Variants in KSR2 observed in about 807,000 individuals in gnomAD.
KSR2 encodes the protein kinase suppressor of ras 2.
Under a neutral mutation model 107.8 loss-of-function variants are expected in KSR2, and 25 were observed. That is an observed-to-expected ratio of 0.23 (90% CI 0.17 to 0.32). The LOEUF (loss-of-function observed/expected upper bound fraction) is 0.32. Ranked by LOEUF, KSR2 falls within the 10% of genes least tolerant of loss-of-function variation. The probability of loss-of-function intolerance (pLI) is 1.00; values close to 1 mark genes in which losing one functional copy is unlikely to be tolerated. For missense variants in KSR2, 887 were observed against 1,268.9 expected, an observed-to-expected ratio of 0.70 and a Z score of 4.57; for synonymous variants, 480 against 507.0, an observed-to-expected ratio of 0.95 and a Z score of 0.71.
At chr12:117,942,355 C>T (rs775642431) in intron 1 of KSR2, among the ~76,000 whole-genome samples, 3 of 152,134 alleles carry the variant, frequency 2.0e-5, no homozygotes, top group Non-Finnish European at 4.4e-5. Flanking sequence ...ATTTTTGACC[C>T]ACTAACCAAC....
chr12:117,960,669 A>G (rs997171080), intron 1 of KSR2, among the ~76,000 whole-genome samples: 3 of 152,132 alleles, frequency 2.0e-5, no homozygotes, highest in African/African-American at 7.2e-5. Flanking sequence ...CAGGCATCTG[A>G]GCAAATGATG....
intron 5 of KSR2, among the ~76,000 whole-genome samples, chr12:117,664,523 CAAG>C (rs1184385392): frequency 3.3e-5 from 5 of 152,140 alleles, no homozygotes; most frequent in Non-Finnish European, 7.4e-5. Context: ...CTATTACAAA[CAAG>C]GAGGAGTCGG....
intron 14 of KSR2, chr12:117,517,788 AC>A (rs1874471612): frequency 2.2e-6 from 1 of 454,138 alleles, no homozygotes; most frequent in East Asian, 7.0e-5. Flanking sequence ...GATGATGGGG[AC>A]GGAATCTTCA....
chr12:117,798,718 A>ACATAT (rs545976554), intron 3 of KSR2, among the ~76,000 whole-genome samples: 1 of 108,612 alleles, frequency 9.2e-6, no homozygotes, highest in Non-Finnish European at 1.8e-5. Context: ...CCAAAAAAAA[A>ACATAT]AAATATATAT....
At chr12:117,867,464 C>G (rs949886048) in intron 1 of KSR2, among the ~76,000 whole-genome samples, 1 of 152,124 alleles carries the variant, frequency 6.6e-6, no homozygotes, top group African/African-American at 2.4e-5. Context: ...GTGTCCATAC[C>G]CTTTGCAATG....
chr12:117,469,970 AC>A (rs1871341469), intron 18 of KSR2, among the ~76,000 whole-genome samples, 175 bp from the exon 19 acceptor site: 1 of 138,516 alleles, frequency 7.2e-6, no homozygotes, highest in East Asian at 2.2e-4. Context: ...CTACACATCT[AC>A]CCATCCAATC....
chr12:117,675,147 C>T (rs570533511), intron 4 of KSR2, among the ~76,000 whole-genome samples: 1 of 152,362 alleles, frequency 6.6e-6, no homozygotes, highest in Admixed American at 6.5e-5. Context: ...TGCATCCCAG[C>T]TGGAATTCTG....
chr12:117,475,212 A>T (rs1871701060), intron 17 of KSR2, among the ~76,000 whole-genome samples: 1 of 152,120 alleles, frequency 6.6e-6, no homozygotes. Flanking sequence ...CTTCCCCCAG[A>T]GTTTAATAAC....
chr12:117,535,481 G>A (rs537306473), intron 10 of KSR2, among the ~76,000 whole-genome samples: 35 of 152,238 alleles, frequency 2.3e-4, no homozygotes, highest in African/African-American at 8.2e-4. Context: ...GGAAAGGGAG[G>A]AAACACTCTC....
At chr12:117,520,159 T>C (rs1874655644) in intron 14 of KSR2, among the ~76,000 whole-genome samples, 1 of 152,206 alleles carries the variant, frequency 6.6e-6, no homozygotes, top group South Asian at 2.1e-4. Flanking sequence ...TATTTAGATA[T>C]ACATTTGCTT....
chr12:117,763,301 T>G (rs941474514), intron 3 of KSR2, among the ~76,000 whole-genome samples: 1 of 148,700 alleles, frequency 6.7e-6, no homozygotes, highest in African/African-American at 2.5e-5. Flanking sequence ...TGTTGGACAT[T>G]TGGGTTGGTT....
chr12:117,812,482 C>G (rs1345251021), intron 3 of KSR2, among the ~76,000 whole-genome samples: 2 of 152,020 alleles, frequency 1.3e-5, no homozygotes, highest in Non-Finnish European at 2.9e-5. Flanking sequence ...ACAGGAGAGC[C>G]AAGTCCAATT....
intron 3 of KSR2, among the ~76,000 whole-genome samples, chr12:117,777,113 C>T (rs1200211198): frequency 6.0e-5 from 7 of 116,802 alleles, no homozygotes; most frequent in African/African-American, 2.2e-4. Context: ...TATATACACA[C>T]ACACACCATA....
At chr12:117,693,743 T>C (rs1021421561) in intron 4 of KSR2, among the ~76,000 whole-genome samples, 4 of 152,244 alleles carry the variant, frequency 2.6e-5, no homozygotes, top group Non-Finnish European at 5.9e-5. Context: ...CACAATCTCA[T>C]GGAGCGCTCC....
chr12:117,921,985 T>C (rs1429672901), intron 1 of KSR2, among the ~76,000 whole-genome samples: 2 of 152,202 alleles, frequency 1.3e-5, no homozygotes, highest in African/African-American at 2.4e-5. Flanking sequence ...ATGGAGGCTG[T>C]ATACTTTTAT....
chr12:117,849,756 G>A (rs1361998767), intron 3 of KSR2, among the ~76,000 whole-genome samples: 2 of 152,214 alleles, frequency 1.3e-5, no homozygotes, highest in East Asian at 1.9e-4. Flanking sequence ...GGGACAGAGA[G>A]AGAGAAAGAG....
At position 117,901,804 on chromosome 12, in the gene KSR2, C is replaced by T. The variant is rs370775895; in HGVS notation, c.181-41373G>A. On this transcript the variant is annotated intron_variant, in intron 1 of 19. Coordinates refer to ENST00000339824, the MANE Select transcript of KSR2 (RefSeq NM_173598.6). ...TCACATATGCCGCTGGGTGGGTTTACGAGGGTTCAGCGTGGCGTACAAACA... is the reference window on the plus strand; with the variant it reads ...TCACATATGCCGCTGGGTGGGTTTATGAGGGTTCAGCGTGGCGTACAAACA... Among the ~76,000 whole-genome samples the T allele has an allele frequency of 1.3e-4, 20 of 152,022 alleles. No homozygotes were observed. The East Asian group carries it at 1.7e-3, about 13-fold the overall frequency.
intron 4 of KSR2, among the ~76,000 whole-genome samples, chr12:117,739,225 G>A (rs570650170): frequency 6.6e-6 from 1 of 151,734 alleles, no homozygotes; most frequent in African/African-American, 2.4e-5. Flanking sequence ...CGTGGTAGCG[G>A]GCGCCTGTAG....
At chr12:117,504,725 A>T (rs536987182) in intron 14 of KSR2, among the ~76,000 whole-genome samples, 1 of 152,238 alleles carries the variant, frequency 6.6e-6, no homozygotes, top group African/African-American at 2.4e-5. Context: ...CTGTTCAAAC[A>T]GCCCACCCAG....
Sources: gnomAD v4.1 joint callset for allele counts (sites outside exome capture counted in the v4.1 genomes callset) on GRCh38, gnomAD v4.1.1 for gene constraint, MANE v1.5 for transcripts, NCBI Gene and HGNC (gene_info 2026-07-23, HGNC 2026-07-21) for gene names.